The following COX6C variants were observed in gnomAD, a reference collection of about 807,000 sequenced individuals.
COX6C encodes the protein cytochrome c oxidase subunit 6C, also known as cytochrome c oxidase polypeptide VIc.
A neutral mutation model predicts 6.9 loss-of-function variants in COX6C; 3 were observed. That is an observed-to-expected ratio of 0.43 (90% CI 0.20 to 1.12). COX6C has a LOEUF of 1.12. COX6C is among the 50% of genes most tolerant of loss of function. The probability of loss-of-function intolerance (pLI) is 0.27; values close to 1 mark genes in which losing one functional copy is unlikely to be tolerated. For synonymous variants in COX6C, 32 were observed against 32.0 expected (o/e 1.00, Z 0.00); for missense variants, 101 against 97.3 (o/e 1.04, Z -0.16).
chr8:99,888,136 AAAAT>A (rs1817972772), intron 2 of COX6C, among the ~76,000 whole-genome samples: 1 of 151,316 alleles, frequency 6.6e-6, no homozygotes, highest in African/African-American at 2.4e-5. Context: ...AAAAAAATAA[AAAAT>A]AAAAAAGATG....
chr8:99,878,413 A>T (rs572220254), intron 3 of COX6C, 148 bp from the exon 4 acceptor site: 1 of 152,376 alleles, frequency 6.6e-6, no homozygotes, highest in South Asian at 2.1e-4. Flanking sequence ...AGTTCAGGCT[A>T]CCTGGACTCC....
At chr8:99,884,541 C>T (rs1262601794) in intron 3 of COX6C, among the ~76,000 whole-genome samples, 1 of 152,064 alleles carries the variant, frequency 6.6e-6, no homozygotes, top group Admixed American at 6.6e-5. Flanking sequence ...ACAGAATATA[C>T]ACATAAGGAA....
rs1130569 is a variant in COX6C at position 99,887,565 on chromosome 8, G to A, written c.168C>T (p.Tyr56=). Residue 56 remains tyrosine (Y), a synonymous_variant, in exon 3 of 4, where the codon TAC becomes TAT. Coordinates refer to ENST00000520468, the MANE Select transcript of COX6C (RefSeq NM_004374.4). ...TCTCCTCAAAATCTTTCATGACATCGTAGTTTCTGTAGAAATCTGCGTATG... is the reference window on the plus strand; with the variant it reads ...TCTCCTCAAAATCTTTCATGACATCATAGTTTCTGTAGAAATCTGCGTATG... ...KKAYADFYRN[Y]DVMKDFEEMR... 0.19 allele frequency: 304,042 copies of A among 1,607,334 alleles called. 33,408 individuals carry two copies. The highest frequency in any genetic ancestry group is 0.49 in the African/African-American group (36,646 of 74,366).
At chr8:99,884,294 C>A (rs1214107543) in intron 3 of COX6C, among the ~76,000 whole-genome samples, 5 of 152,012 alleles carry the variant, frequency 3.3e-5, no homozygotes, top group Admixed American at 2.6e-4. Context: ...TTGGAGGATA[C>A]AAAAATCAGC....
At chr8:99,882,514 T>C (rs1171878722) in intron 3 of COX6C, among the ~76,000 whole-genome samples, 1 of 152,106 alleles carries the variant, frequency 6.6e-6, no homozygotes, top group Non-Finnish European at 1.5e-5. Flanking sequence ...TTTAAAAAAC[T>C]GTATCAACCT....
intron 2 of COX6C, among the ~76,000 whole-genome samples, chr8:99,888,551 G>A (rs944413281): frequency 2.6e-5 from 4 of 152,206 alleles, no homozygotes; most frequent in Non-Finnish European, 5.9e-5. Flanking sequence ...TCTAGCCTGG[G>A]TGACAGAGCA....
rs753732522 is a variant in COX6C, at chr8:99,887,593, TTC to T, written c.138_139del (p.Lys47GlyfsTer16). ...GTTTCTGTAGAAATCTGCGTATGCC[TTC>T]TTTCTTTGATCAGCCACACGAAACT... On this transcript the variant is annotated frameshift_variant, in exon 3 of 4. Coordinates refer to ENST00000520468, the MANE Select transcript of COX6C (RefSeq NM_004374.4). LOFTEE classifies it high-confidence loss of function. 1 of 1,604,190 alleles carries T rather than the reference TTC, an allele frequency of 6.2e-7. No individual in the cohort carries two copies. Among genetic ancestry groups the T allele is most frequent in the Non-Finnish European group, 8.5e-7 (1 of 1,177,396 alleles).
chr8:99,892,807 TG>T (rs1411395603), intron 1 of COX6C, among the ~76,000 whole-genome samples: 3 of 152,214 alleles, frequency 2.0e-5, no homozygotes, highest in Admixed American at 6.5e-5. Flanking sequence ...AGCTCCGCAT[TG>T]GTAATTAACG....
chr8:99,885,671 G>A (rs1041961383), intron 3 of COX6C, among the ~76,000 whole-genome samples: 1 of 152,086 alleles, frequency 6.6e-6, no homozygotes, highest in African/African-American at 2.4e-5. Context: ...AAACATAAGA[G>A]CTAAAACTAT....
intron 2 of COX6C, among the ~76,000 whole-genome samples, chr8:99,891,283 G>C (rs1408729946): frequency 6.6e-6 from 1 of 152,200 alleles, no homozygotes; most frequent in Non-Finnish European, 1.5e-5. Context: ...AGGTGTGGTG[G>C]CTCATGCCTG....
intron 1 of COX6C, among the ~76,000 whole-genome samples, chr8:99,892,381 C>G (rs1051688631): frequency 1.3e-5 from 2 of 152,108 alleles, no homozygotes; most frequent in East Asian, 3.9e-4. Context: ...TATTGACTGA[C>G]TAAACGCTGT....
chr8:99,892,121 T>A, intron 1 of COX6C, 69 bp from the exon 2 acceptor site: 1 of 810,076 alleles, frequency 1.2e-6, no homozygotes. Flanking sequence ...AATGGCCACC[T>A]GGAAGCATTG....
chr8:99,892,171 T>C, intron 1 of COX6C, 119 bp from the exon 2 acceptor site: 2 of 602,714 alleles, frequency 3.3e-6, no homozygotes, highest in Non-Finnish European at 5.8e-6. Context: ...TTAGCAGCAG[T>C]TACAAATGAA....
intron 3 of COX6C, among the ~76,000 whole-genome samples, chr8:99,883,429 A>ATGTG (rs34907198): frequency 0.015 from 2,214 of 145,560 alleles, 66 homozygotes; most frequent in African/African-American, 0.051. Flanking sequence ...GTGTGTATAT[A>ATGTG]TGTATGTGTG....
chr8:99,878,361 C>CT (rs911653154), intron 3 of COX6C, 96 bp from the exon 4 acceptor site: 15 of 152,164 alleles, frequency 9.9e-5, no homozygotes, highest in African/African-American at 3.1e-4. Context: ...TACTAGTAGA[C>CT]TTCACACCTT....
At chr8:99,882,487 G>GA in intron 3 of COX6C, among the ~76,000 whole-genome samples, 1 of 152,108 alleles carries the variant, frequency 6.6e-6, no homozygotes. Context: ...AATTAAAAAA[G>GA]AAATTACAAG....
At chr8:99,889,725 G>A (rs1257254362) in intron 2 of COX6C, among the ~76,000 whole-genome samples, 2 of 151,840 alleles carry the variant, frequency 1.3e-5, no homozygotes, top group Non-Finnish European at 2.9e-5. Context: ...TGCCTCCCAG[G>A]CTAAAGCCAA....
At chr8:99,889,918 C>T (rs1340389159) in intron 2 of COX6C, among the ~76,000 whole-genome samples, 1 of 151,614 alleles carries the variant, frequency 6.6e-6, no homozygotes, top group Non-Finnish European at 1.5e-5. Context: ...GGTGAAACCC[C>T]GTCTCTACTA....
At chr8:99,890,662 T>C (rs1004888922) in intron 2 of COX6C, among the ~76,000 whole-genome samples, 54 of 152,302 alleles carry the variant, frequency 3.5e-4, no homozygotes, top group Middle Eastern at 3.4e-3. Context: ...AAAAATTAAA[T>C]ACAAAGAGTT....
Sources: allele counts gnomAD v4.1 joint callset (sites outside exome capture counted in the v4.1 genomes callset), GRCh38; gene constraint gnomAD v4.1.1; transcripts MANE v1.5; gene names NCBI Gene and HGNC (gene_info 2026-07-23, HGNC 2026-07-21).